The following SLC38A10 variants were observed in gnomAD, a reference collection of about 807,000 sequenced individuals.
SLC38A10 encodes Sodium-coupled neutral amino acid transporter 10.
Under a neutral mutation model 81.0 loss-of-function variants are expected in SLC38A10, and 53 were observed. That is an observed-to-expected ratio of 0.65 (90% confidence interval 0.53 to 0.82). The LOEUF (loss-of-function observed/expected upper bound fraction) is 0.82, where lower values mean the gene tolerates loss of function less well. Ranked by LOEUF, SLC38A10 falls within the 40% of genes least tolerant of loss-of-function variation. The pLI, the probability that SLC38A10 is intolerant of heterozygous loss-of-function variation, is 0.00. For synonymous variants in SLC38A10, 665 were observed against 655.3 expected, an observed-to-expected ratio of 1.01 and a Z score of -0.23; for missense variants, 1,471 against 1,545.0, an observed-to-expected ratio of 0.95 and a Z score of 0.80.
At chr17:81,247,090 G>A (rs1329558043) in intron 14 of SLC38A10, 29 bp from the exon 15 acceptor site, 1 of 1,555,686 alleles carries the variant, frequency 6.4e-7, no homozygotes, top group Non-Finnish European at 8.7e-7. Flanking sequence ...CAGTCAGAGT[G>A]CCCGGGCTGC....
chr17:81,253,972 CCCA>C lies in SLC38A10; in HGVS notation c.1289-735_1289-733del, dbSNP rs1480095788. 4.0e-5 allele frequency among the ~76,000 whole-genome samples: 6 copies of C among 151,552 alleles called. No individual in the cohort carries two copies. Among genetic ancestry groups the C allele is most frequent in the Non-Finnish European group, 8.8e-5 (6 of 67,976 alleles). ...CGTCATCACCACCACCATCTCCATCCCCACCACCATCGCTGCATCATTGCCACC... is the reference window on the plus strand; with the variant it reads ...CGTCATCACCACCACCATCTCCATCCCCACCATCGCTGCATCATTGCCACC... On this transcript the variant is annotated intron_variant, in intron 11 of 15. Coordinates refer to ENST00000374759, the MANE Select transcript of SLC38A10 (RefSeq NM_001037984.3). The surrounding 1 kb of genome is among the most constrained non-coding windows in gnomAD (Gnocchi z 4.1).
chr17:81,251,413 C>T, intron 14 of SLC38A10, 80 bp downstream of exon 14: 1 of 1,611,034 alleles, frequency 6.2e-7, no homozygotes, highest in South Asian at 1.1e-5. Context: ...CGAGGATGAC[C>T]TGGGCATCAC....
chr17:81,281,590 G>A lies in SLC38A10; in HGVS notation c.501+599C>T, dbSNP rs1185487379. ...AGGAGTTCGAGACCAGCCTGGCCAA[G>A]ATGGTGAAACCCCTTCTCTACTAAA... On this transcript the variant is annotated intron_variant, in intron 5 of 15. Coordinates refer to ENST00000374759, the MANE Select transcript of SLC38A10 (RefSeq NM_001037984.3). This position sits in a 1 kb window ranked among gnomAD's most constrained non-coding sequence, Gnocchi z 5.3. 6.6e-6 allele frequency among the ~76,000 whole-genome samples: 1 copy of A among 152,016 alleles called. No homozygotes were observed. Among genetic ancestry groups the A allele is most frequent in the African/African-American group, 2.4e-5 (1 of 41,402 alleles).
rs145617581 is a variant in SLC38A10, at chr17:81,273,284, G to A, written c.913-657C>T. ...GAGCCAAGGACGGATGGCCTCAGAC[G>A]CCACCTGCCCCAGGACCCCCAGCTG... is the stretch of plus-strand genomic sequence containing the variant. On this transcript the variant is annotated intron_variant, in intron 8 of 15. Transcript: ENST00000374759. Among the ~76,000 whole-genome samples the A allele has an allele frequency of 3.4e-4, 52 of 152,312 alleles. No individual in the cohort carries two copies. The East Asian group carries it at 9.7e-3, about 28-fold the overall frequency.
In SLC38A10 at chr17:81,272,613, G is replaced by A. The variant is rs2063127141; in HGVS notation, c.927C>T (p.Thr309=). ...LLCEQQQKDG[T]FAAGGYMPPL... The stretch of plus-strand genomic sequence containing the variant: ...GGGGCATGTAGCCCCCTGCTGCAAA[G>A]GTGCCATCTTTTTGCTGTACAAAAG... Residue 309 remains threonine (T), a synonymous_variant, in exon 9 of 16, where the codon ACC becomes ACT. Transcript: ENST00000374759. 6.5e-7 allele frequency: 1 copy of A among 1,549,292 alleles called. No individual in the cohort carries two copies. The highest frequency in any genetic ancestry group is 1.2e-5 in the South Asian group (1 of 82,318).
intron 10 of SLC38A10, among the ~76,000 whole-genome samples, chr17:81,260,940 A>G (rs2063017617): frequency 6.6e-6 from 1 of 152,244 alleles, no homozygotes; most frequent in Admixed American, 6.5e-5. Context: ...GGCCCCGTGC[A>G]GCAGACGCAG....
chr17:81,291,306 C>T (rs917100552), intron 1 of SLC38A10, among the ~76,000 whole-genome samples: 26 of 151,750 alleles, frequency 1.7e-4, no homozygotes, highest in African/African-American at 5.3e-4. Context: ...CATGGTGAGA[C>T]CCCCACCTCT....
At chr17:81,257,346 C>G (rs1415616064) in intron 11 of SLC38A10, among the ~76,000 whole-genome samples, 1 of 152,164 alleles carries the variant, frequency 6.6e-6, no homozygotes, top group Non-Finnish European at 1.5e-5. Context: ...TCCTCCTGCC[C>G]TGGCCTCCCA....
rs2063061033 is a variant in SLC38A10 at position 81,265,389 on chromosome 17, AT to A, written c.1132-4996del. ...ACAGAGCGAGACTCTGTCTCAAAAA[AT>A]AAAAAAAGAACAAAACACTTGGTGG... On this transcript the variant is annotated intron_variant, in intron 10 of 15. Transcript: ENST00000374759. This position sits in a 1 kb window ranked among gnomAD's most constrained non-coding sequence, Gnocchi z 4.2. The A allele has an allele frequency of 6.6e-6, 1 of 152,288 alleles. No individual in the cohort carries two copies. Among genetic ancestry groups the A allele is most frequent in the Non-Finnish European group, 1.5e-5 (1 of 68,076 alleles). 9.4% of individuals were successfully genotyped at this position (152,288 alleles called of 1,614,324 possible).
At position 81,276,320 on chromosome 17, in the gene SLC38A10, C is replaced by A. The variant is rs1267506765; in HGVS notation, c.730-169G>T. Among the ~76,000 whole-genome samples the A allele has an allele frequency of 1.3e-5, 2 of 152,118 alleles. No homozygotes were observed. Among genetic ancestry groups the A allele is most frequent in the Non-Finnish European group, 2.9e-5 (2 of 68,014 alleles). On this transcript the variant is annotated intron_variant, in intron 7 of 15. Transcript: ENST00000374759. This position sits in a 1 kb window ranked among gnomAD's most constrained non-coding sequence, Gnocchi z 4.7. ...AGATGGCCTTCCAGGGGCAAGGCAC[C>A]ATTTCGCCTCCTCCTTCTAAAAATC... is the stretch of plus-strand genomic sequence containing the variant.
At position 81,246,018 on chromosome 17, in the gene SLC38A10, A is replaced by C. The variant is rs1486813891; in HGVS notation, c.2898T>G (p.Asp966Glu). ...LRQPELRVIS[D>E]GEQGGQQGHR... ...GGCCCTGCTGTCCACCCTGCTCGCCATCAGAGATGACCCGCAGTTCCGGCT... is the reference window on the plus strand; with the variant it reads ...GGCCCTGCTGTCCACCCTGCTCGCCCTCAGAGATGACCCGCAGTTCCGGCT... Residue 966 changes from aspartate (D) to glutamate (E), a missense_variant, in exon 16 of 16, where the codon GAT becomes GAG. Asp to Glu is a conservative substitution (Grantham distance 45). This residue lies in a region of SLC38A10 where 751 missense variants were observed against 717.4 expected (regional missense o/e 1.05). Transcript: ENST00000374759. The C allele has an allele frequency of 6.2e-7, 1 of 1,610,214 alleles. No homozygotes were observed. Among genetic ancestry groups the C allele is most frequent in the Admixed American group, 1.7e-5 (1 of 59,880 alleles).
chr17:81,269,707 G>A (rs1046025836), intron 10 of SLC38A10, among the ~76,000 whole-genome samples: 7 of 152,022 alleles, frequency 4.6e-5, no homozygotes, highest in Non-Finnish European at 1.0e-4. Context: ...GGTTGAGGCC[G>A]GGCGCATTGG....
At position 81,289,646 on chromosome 17, in the gene SLC38A10, C is replaced by A; in HGVS notation, c.217+45G>T. 2 of 1,339,484 alleles carry A rather than the reference C, an allele frequency of 1.5e-6. No individual in the cohort carries two copies. The highest frequency in any genetic ancestry group is 1.0e-6 in the Non-Finnish European group (1 of 975,174). The allele number at this position is 1,339,484 out of a possible 1,614,324, so 83.0% of individuals were successfully genotyped here. ...AAATAAATAAATAAATGGAATAAGG[C>A]CCCCGCCCCAGGTCCAGAGCCACCT... On this transcript the variant is annotated intron_variant, in intron 2 of 15. Transcript: ENST00000374759. This position sits in a 1 kb window ranked among gnomAD's most constrained non-coding sequence, Gnocchi z 5.9.
intron 11 of SLC38A10, among the ~76,000 whole-genome samples, chr17:81,259,466 C>G (rs1240375811): frequency 6.6e-6 from 1 of 152,256 alleles, no homozygotes; most frequent in Admixed American, 6.5e-5. Flanking sequence ...CTGCCCATCC[C>G]TGCCTGGTGC....
rs2063287622 is a variant in SLC38A10, at chr17:81,288,685, T to G, written c.217+1006A>C. 1 of 152,178 alleles carries G rather than the reference T, an allele frequency of 6.6e-6. No homozygotes were observed. Among genetic ancestry groups the G allele is most frequent in the Non-Finnish European group, 1.5e-5 (1 of 68,122 alleles). The allele number at this position is 152,178 out of a possible 1,614,324, so 9.4% of individuals were successfully genotyped here. A position where few individuals can be genotyped will look rare whatever the true frequency, so the allele number is the denominator to read the frequency against. On this transcript the variant is annotated intron_variant, in intron 2 of 15. Transcript: ENST00000374759. The surrounding 1 kb of genome is among the most constrained non-coding windows in gnomAD (Gnocchi z 5.4). ...AAACAGCATTAAAGCAAGAAAGAAC[T>G]AAGGGAAACAAAACTGCAACCAACA...
rs988354906 is a variant in SLC38A10, at chr17:81,270,527, C to G, written c.1131+391G>C. ...AAGAAAAACCCACAAGCACGCACAT[C>G]TCCGTGGGAGGGTCGCACCAGGAAC... On this transcript the variant is annotated intron_variant, in intron 10 of 15. Transcript: ENST00000374759. The surrounding 1 kb of genome is among the most constrained non-coding windows in gnomAD (Gnocchi z 4.0). 6.6e-6 allele frequency among the ~76,000 whole-genome samples: 1 copy of G among 152,118 alleles called. No homozygotes were observed. The highest frequency in any genetic ancestry group is 2.4e-5 in the African/African-American group (1 of 41,400).
chr17:81,280,300 G>T, intron 6 of SLC38A10: 1 of 495,568 alleles, frequency 2.0e-6, no homozygotes, highest in East Asian at 4.0e-5. Flanking sequence ...GCTCGACTCT[G>T]TGCAGTCAGA....
chr17:81,276,016 T>C lies in SLC38A10; in HGVS notation c.865A>G (p.Ile289Val), dbSNP rs1202842621. 6 of 1,613,474 alleles carry C rather than the reference T, an allele frequency of 3.7e-6. No homozygotes were observed. Among genetic ancestry groups the C allele is most frequent in the African/African-American group, 1.3e-5 (1 of 74,896 alleles). ...CTCAGGGCCTGCCTGCATGGCAGGATCATCATGGGGAAGCCCACAGCCACT... is the reference window on the plus strand; with the variant it reads ...CTCAGGGCCTGCCTGCATGGCAGGACCATCATGGGGAAGCCCACAGCCACT... ...MSVAVGFPMM[I>V]LPCRQALSTL... is the part of the protein sequence containing the mutation. The change falls in exon 8 of 16, where the codon ATC becomes GTC. Residue 289 changes from isoleucine (I) to valine (V), a missense_variant. Physicochemically the swap from Ile to Val is conservative, Grantham distance 29. This residue lies in a region of SLC38A10 where 720 missense variants were observed against 827.7 expected (regional missense o/e 0.87). Transcript: ENST00000374759. The surrounding 1 kb of genome is among the most constrained non-coding windows in gnomAD (Gnocchi z 4.7).
rs1598372521 is a variant in SLC38A10, at chr17:81,245,263, A to C, written c.*293T>G. The C allele has an allele frequency of 5.6e-6, 2 of 359,158 alleles. No homozygotes were observed. Among genetic ancestry groups the C allele is most frequent in the Non-Finnish European group, 1.0e-5 (2 of 197,804 alleles). 22.2% of individuals were successfully genotyped at this position (359,158 alleles called of 1,614,324 possible). On this transcript the variant is annotated 3_prime_UTR_variant, in exon 16 of 16. Coordinates refer to ENST00000374759, the MANE Select transcript of SLC38A10 (RefSeq NM_001037984.3). ...CTCCCCAGCCTGAGCCTGGGAGTGC[A>C]CCAGCCAGCTCGCAGCGGAGGCCGT...
Sources: allele counts gnomAD v4.1 joint callset (sites outside exome capture counted in the v4.1 genomes callset), GRCh38; gene constraint gnomAD v4.1.1; regional missense constraint gnomAD v4.1.1; non-coding constraint Gnocchi (gnomAD v3.1); transcripts MANE v1.5; gene names NCBI Gene and HGNC (gene_info 2026-07-23, HGNC 2026-07-21).